Variants in RELN observed in about 807,000 individuals in gnomAD.
RELN encodes the protein reelin.
A neutral mutation model predicts 427.6 loss-of-function variants in RELN; 108 were observed. That is an observed-to-expected ratio of 0.25 (90% CI 0.22 to 0.30). The LOEUF is 0.30. Ranked by LOEUF, RELN falls within the 10% of genes least tolerant of loss-of-function variation. The probability of loss-of-function intolerance (pLI) is 1.00; values close to 1 mark genes in which losing one functional copy is unlikely to be tolerated. For synonymous variants in RELN, 1,524 were observed against 1,513.4 expected (o/e 1.01, Z -0.16); for missense variants, 3,715 against 4,302.8 (o/e 0.86, Z 3.82).
intron 10 of RELN, among the ~76,000 whole-genome samples, chr7:103,692,554 A>G (rs1833894514): frequency 6.6e-6 from 1 of 152,096 alleles, no homozygotes; most frequent in African/African-American, 2.4e-5. Flanking sequence ...CTACTGCAGG[A>G]GACCTACATT....
rs1312536652 is a variant in RELN at position 103,635,094 on chromosome 7, C to T, written c.2465+331G>A. On this transcript the variant is annotated intron_variant, in intron 19 of 64. Coordinates refer to ENST00000428762, the MANE Select transcript of RELN (RefSeq NM_005045.4). Reference sequence around the variant, plus strand: ...CAGGATGGTCTCAATCTCCTGACCTCGTGATCTGCCTGCCTCGGCCTCCCA... The same window carrying T: ...CAGGATGGTCTCAATCTCCTGACCTTGTGATCTGCCTGCCTCGGCCTCCCA... Among the ~76,000 whole-genome samples, 6 of 152,146 alleles carry T rather than the reference C, an allele frequency of 3.9e-5. No homozygotes were observed. The Middle Eastern group carries it at 0.01, about 259-fold the overall frequency.
At chr7:103,555,774 A>G (rs1284253501) in intron 38 of RELN, among the ~76,000 whole-genome samples, 1 of 152,216 alleles carries the variant, frequency 6.6e-6, no homozygotes, top group Non-Finnish European at 1.5e-5. Context: ...CGCCTGGCAC[A>G]TTCCTTTTTT....
At chr7:103,628,272 G>C (rs1405292877) in intron 20 of RELN, 2 of 152,134 alleles carry the variant, frequency 1.3e-5, no homozygotes, top group Non-Finnish European at 2.9e-5. Flanking sequence ...AAGCATCTGA[G>C]GCTATCAAAT....
intron 37 of RELN, 78 bp from the exon 38 acceptor site, chr7:103,557,237 G>A (rs1830544955): frequency 8.4e-7 from 1 of 1,189,344 alleles, no homozygotes; most frequent in Admixed American, 1.7e-5. Context: ...TGAATCTTTA[G>A]GCATCAATGC....
At chr7:103,879,845 T>C (rs1208461127) in intron 2 of RELN, among the ~76,000 whole-genome samples, 2 of 152,102 alleles carry the variant, frequency 1.3e-5, no homozygotes, top group East Asian at 1.9e-4. Flanking sequence ...GTAGGAAAAA[T>C]AAAAACATTT....
chr7:103,910,419 A>G (rs552645733), intron 2 of RELN, among the ~76,000 whole-genome samples: 56 of 151,750 alleles, frequency 3.7e-4, no homozygotes, highest in Non-Finnish European at 7.2e-4. Flanking sequence ...TCTCCTGCCT[A>G]ATTGCCCTGG....
rs117181569 is a variant in RELN at position 103,569,959 on chromosome 7, T to C, written c.4588+2225A>G. Among the ~76,000 whole-genome samples, 1,143 of 152,382 alleles carry C rather than the reference T, an allele frequency of 7.5e-3. 10 individuals carry two copies. Among genetic ancestry groups the C allele is most frequent in the Non-Finnish European group, 0.013 (874 of 68,036 alleles). ...ATAATTTTGATTTTAATTCCAAATATGTAAATTGATGCTTCAGCTTGAGTA... is the reference window on the plus strand; with the variant it reads ...ATAATTTTGATTTTAATTCCAAATACGTAAATTGATGCTTCAGCTTGAGTA... On this transcript the variant is annotated intron_variant, in intron 31 of 64. Transcript: ENST00000428762. This position sits in a 1 kb window ranked among gnomAD's most constrained non-coding sequence, Gnocchi z 4.0.
intron 1 of RELN, among the ~76,000 whole-genome samples, chr7:103,983,547 T>C (rs1797035395): frequency 6.6e-6 from 1 of 152,220 alleles, no homozygotes; most frequent in Non-Finnish European, 1.5e-5. Flanking sequence ...GTATCTGAAA[T>C]AGGGCTTTTA....
intron 24 of RELN, among the ~76,000 whole-genome samples, chr7:103,602,246 A>G (rs927588327): frequency 6.6e-6 from 1 of 152,224 alleles, no homozygotes; most frequent in Non-Finnish European, 1.5e-5. Flanking sequence ...TGCTTTACAG[A>G]TGGGGAAGCT....
At chr7:103,814,573 T>C (rs1329630188) in intron 3 of RELN, among the ~76,000 whole-genome samples, 1 of 152,188 alleles carries the variant, frequency 6.6e-6, no homozygotes, top group African/African-American at 2.4e-5. Flanking sequence ...GTTGTGGTCT[T>C]CAAGTGCTAT....
At chr7:103,862,674 A>C (rs1330584232) in intron 2 of RELN, among the ~76,000 whole-genome samples, 1 of 152,126 alleles carries the variant, frequency 6.6e-6, no homozygotes, top group Non-Finnish European at 1.5e-5. Context: ...ACTGAAATAA[A>C]AAAATTTAAT....
intron 4 of RELN, among the ~76,000 whole-genome samples, chr7:103,760,116 T>C (rs924084368): frequency 2.6e-4 from 39 of 150,906 alleles, no homozygotes; most frequent in Non-Finnish European, 1.9e-4. Context: ...AACATTTTAA[T>C]AGGTTAAACT....
chr7:103,634,135 T>C (rs1832528682), intron 19 of RELN, among the ~76,000 whole-genome samples: 1 of 152,156 alleles, frequency 6.6e-6, no homozygotes, highest in East Asian at 1.9e-4. Flanking sequence ...CTGTAAAATA[T>C]ATAAAATATA....
intron 4 of RELN, among the ~76,000 whole-genome samples, chr7:103,756,771 T>G (rs1458676500): frequency 6.6e-6 from 1 of 152,206 alleles, no homozygotes; most frequent in Non-Finnish European, 1.5e-5. Context: ...TAATATATTT[T>G]AACAAAAATG....
chr7:103,931,734 G>A (rs556333008), intron 1 of RELN, among the ~76,000 whole-genome samples: 5 of 152,256 alleles, frequency 3.3e-5, no homozygotes, highest in African/African-American at 1.2e-4. Context: ...ATTCGCACAG[G>A]ATGTCATACT....
intron 3 of RELN, among the ~76,000 whole-genome samples, chr7:103,796,209 C>T (rs919280423): frequency 6.6e-6 from 1 of 152,130 alleles, no homozygotes; most frequent in African/African-American, 2.4e-5. Context: ...TACTGATTTC[C>T]ATATTACCAT....
chr7:103,565,693 T>G (rs1267119737), intron 33 of RELN, 142 bp from the exon 34 acceptor site: 1 of 755,062 alleles, frequency 1.3e-6, no homozygotes, highest in East Asian at 2.7e-5. Flanking sequence ...ACTTTTCTTC[T>G]TATATTTTCT....
At chr7:103,956,297 T>C (rs753054258) in intron 1 of RELN, among the ~76,000 whole-genome samples, 10 of 152,322 alleles carry the variant, frequency 6.6e-5, no homozygotes, top group Non-Finnish European at 1.0e-4. Flanking sequence ...CTGAAATGAA[T>C]AGCTTTCCTG....
At position 103,574,156 on chromosome 7, in the gene RELN, G is replaced by A. The variant is rs1830943865; in HGVS notation, c.4447C>T (p.Leu1483Phe). The part of the protein sequence containing the change: ...GCGTLNDGKS[L>F]YFNGPGKREA... ...CTTTTCCCAGGGCCATTGAAGTAGA[G>A]AGATTTGCCATCGTTAAGTGTTCCA... is the stretch of plus-strand genomic sequence containing the variant. Residue 1483 changes from leucine to phenylalanine, a missense_variant, in exon 30 of 65, where the codon CTC (leucine) becomes TTC (phenylalanine). Leu to Phe is a conservative substitution (Grantham distance 22). Transcript: ENST00000428762. The A allele has an allele frequency of 6.2e-7, 1 of 1,614,074 alleles. No homozygotes were observed.
Sources: allele counts gnomAD v4.1 joint callset (sites outside exome capture counted in the v4.1 genomes callset), GRCh38; gene constraint gnomAD v4.1.1; non-coding constraint Gnocchi (gnomAD v3.1); transcripts MANE v1.5; gene names NCBI Gene and HGNC (gene_info 2026-07-23, HGNC 2026-07-21).